ERO1B: variants seen among roughly 807,000 people sequenced by gnomAD.
ERO1B encodes ERO1-like protein beta.
A neutral mutation model predicts 75.3 loss-of-function variants in ERO1B; 49 were observed. The ratio of observed to expected loss-of-function variants is 0.65; its 90% CI spans 0.52 to 0.83. The LOEUF (loss-of-function observed/expected upper bound fraction) is 0.83, where lower values mean the gene tolerates loss of function less well. Ranked by LOEUF, ERO1B falls within the 40% of genes least tolerant of loss-of-function variation. The pLI, the probability that ERO1B is intolerant of heterozygous loss-of-function variation, is 0.00. For missense variants in ERO1B, 512 were observed against 560.1 expected, an observed-to-expected ratio of 0.91 and a Z score of 0.87; for synonymous variants, 191 against 192.9, an observed-to-expected ratio of 0.99 and a Z score of 0.08.
chr1:236,251,528 AGGGT>A, intron 4 of ERO1B: 3 of 917,738 alleles, frequency 3.3e-6, no homozygotes, highest in Non-Finnish European at 3.9e-6. Context: ...ACAGAGAGAG[AGGGT>A]ATGATGATCT....
intron 1 of ERO1B, among the ~76,000 whole-genome samples, chr1:236,277,502 C>T (rs946640153): frequency 2.6e-5 from 4 of 151,958 alleles, no homozygotes; most frequent in Admixed American, 2.6e-4. Context: ...GAGAAGATTA[C>T]TGGAGCCATG....
intron 2 of ERO1B, among the ~76,000 whole-genome samples, chr1:236,269,107 C>T (rs868327537): frequency 2.6e-5 from 4 of 151,132 alleles, no homozygotes; most frequent in South Asian, 2.1e-4. Flanking sequence ...TGGTGGCGGG[C>T]GCCTGTAATC....
chr1:236,252,765 T>C (rs1220985157), intron 3 of ERO1B, among the ~76,000 whole-genome samples: 1 of 152,184 alleles, frequency 6.6e-6, no homozygotes, highest in Admixed American at 6.5e-5. Context: ...TAAAGAATGT[T>C]CCCTTTAGGA....
intron 1 of ERO1B, among the ~76,000 whole-genome samples, chr1:236,280,279 T>C (rs547574405): frequency 1.2e-4 from 18 of 152,330 alleles, no homozygotes; most frequent in African/African-American, 3.6e-4. Flanking sequence ...CAGAAAAATA[T>C]CGAATTGTAA....
chr1:236,280,182 A>C (rs1283802374), intron 1 of ERO1B, among the ~76,000 whole-genome samples: 1 of 152,230 alleles, frequency 6.6e-6, no homozygotes, highest in Admixed American at 6.5e-5. Context: ...TTAGTGGTAA[A>C]TGAAAAAAAT....
At chr1:236,238,851 AAAG>A (rs1329276586) in intron 6 of ERO1B, among the ~76,000 whole-genome samples, 2 of 152,164 alleles carry the variant, frequency 1.3e-5, no homozygotes, top group African/African-American at 4.8e-5. Context: ...AATAACCAAT[AAAG>A]AAGAAAAACC....
At chr1:236,232,796 A>G in intron 9 of ERO1B, 32 bp downstream of exon 9, 1 of 1,588,672 alleles carries the variant, frequency 6.3e-7, no homozygotes, top group Non-Finnish European at 8.6e-7. Context: ...TTTCCTCCAC[A>G]CTTGAAACAA....
intron 2 of ERO1B, among the ~76,000 whole-genome samples, chr1:236,254,554 C>T (rs947143558): frequency 3.9e-5 from 6 of 152,194 alleles, no homozygotes; most frequent in African/African-American, 1.4e-4. Flanking sequence ...CTATTATGCT[C>T]CTCTGGCCAC....
chr1:236,221,550 T>C (rs2477585), intron 14 of ERO1B, among the ~76,000 whole-genome samples: 1 of 151,958 alleles, frequency 6.6e-6, no homozygotes. Context: ...TGCTCATTTA[T>C]ACAAATTCAA....
At chr1:236,264,058 T>C (rs1250779160) in intron 2 of ERO1B, among the ~76,000 whole-genome samples, 1 of 147,310 alleles carries the variant, frequency 6.8e-6, no homozygotes, top group Non-Finnish European at 1.5e-5. Flanking sequence ...ATTGTTTTTA[T>C]TATTGATTCT....
At chr1:236,265,868 C>G (rs990374946) in intron 2 of ERO1B, among the ~76,000 whole-genome samples, 2 of 152,156 alleles carry the variant, frequency 1.3e-5, no homozygotes, top group Non-Finnish European at 2.9e-5. Context: ...CATGTTCTTT[C>G]CCCAAACCTT....
At chr1:236,239,883 G>GTATATA (rs1664651898) in intron 6 of ERO1B, among the ~76,000 whole-genome samples, 3 of 106,652 alleles carry the variant, frequency 2.8e-5, no homozygotes, top group Non-Finnish European at 3.9e-5. Flanking sequence ...GTATATGTGT[G>GTATATA]TGTGTGTGTA....
intron 2 of ERO1B, among the ~76,000 whole-genome samples, chr1:236,267,556 C>G (rs564635706): frequency 1.7e-4 from 26 of 152,156 alleles, no homozygotes; most frequent in Non-Finnish European, 3.4e-4. Flanking sequence ...GAGATGTGAA[C>G]TGGACCACTT....
At chr1:236,274,308 A>G (rs1380222943) in intron 1 of ERO1B, among the ~76,000 whole-genome samples, 1 of 152,196 alleles carries the variant, frequency 6.6e-6, no homozygotes, top group Non-Finnish European at 1.5e-5. Context: ...ATTTAATATT[A>G]ATCTATGCTT....
intron 9 of ERO1B, among the ~76,000 whole-genome samples, chr1:236,232,061 T>C (rs4339855): frequency 0.049 from 7,412 of 152,262 alleles, 549 homozygotes; most frequent in East Asian, 0.39. Flanking sequence ...TGTCCCATTA[T>C]TCAAAATTCA....
At chr1:236,252,884 G>A (rs1665067187) in intron 3 of ERO1B, among the ~76,000 whole-genome samples, 1 of 151,962 alleles carries the variant, frequency 6.6e-6, no homozygotes, top group Admixed American at 6.6e-5. Context: ...TGTTGAAGAA[G>A]AGGAATATAA....
chr1:236,240,522 C>T (rs1664674250), intron 6 of ERO1B, among the ~76,000 whole-genome samples: 1 of 152,052 alleles, frequency 6.6e-6, no homozygotes, highest in Non-Finnish European at 1.5e-5. Flanking sequence ...TTATAAAGCT[C>T]TCAAAAAATT....
intron 1 of ERO1B, 37 bp downstream of exon 1, chr1:236,281,645 G>T: frequency 7.5e-7 from 1 of 1,330,804 alleles, no homozygotes; most frequent in East Asian, 3.1e-5. Flanking sequence ...GCGGGTGTTC[G>T]GCCGGGGGTT....
At chr1:236,276,204 T>A (rs765328786) in intron 1 of ERO1B, among the ~76,000 whole-genome samples, 5 of 152,162 alleles carry the variant, frequency 3.3e-5, no homozygotes, top group Non-Finnish European at 7.3e-5. Flanking sequence ...TATATCAAGT[T>A]TGTGATATCT....
Sources: allele counts gnomAD v4.1 joint callset (sites outside exome capture counted in the v4.1 genomes callset), GRCh38; gene constraint gnomAD v4.1.1; transcripts MANE v1.5; gene names NCBI Gene and HGNC (gene_info 2026-07-23, HGNC 2026-07-21).